The following GRIN2B variants were observed in gnomAD, a reference collection of about 807,000 sequenced individuals.
GRIN2B encodes glutamate ionotropic receptor NMDA type subunit 2B, also known as glutamate receptor ionotropic, NMDA 2B.
GRIN2B carries 5 observed loss-of-function variants against 114.5 expected under a neutral mutation model. The observed-to-expected ratio is 0.04, with a 90% confidence interval of 0.02 to 0.09. The LOEUF is 0.09. Ranked by LOEUF, GRIN2B falls within the 10% of genes least tolerant of loss-of-function variation. GRIN2B has a pLI of 1.00. For missense variants in GRIN2B, 1,108 were observed against 1,943.5 expected (o/e 0.57, Z 8.08); for synonymous variants, 787 against 745.1 (o/e 1.06, Z -0.92).
At chr12:13,801,694 A>G (rs1235169553) in intron 3 of GRIN2B, among the ~76,000 whole-genome samples, 1 of 152,128 alleles carries the variant, frequency 6.6e-6, no homozygotes, top group African/African-American at 2.4e-5. Flanking sequence ...CTCAGGAAAA[A>G]TCTTGACAGA....
chr12:13,843,217 TC>T (rs1865414078), intron 3 of GRIN2B, among the ~76,000 whole-genome samples: 1 of 150,412 alleles, frequency 6.6e-6, no homozygotes. Flanking sequence ...TTCTCCTGAA[TC>T]CCCATACACA....
At chr12:13,742,715 G>C (rs1186320796) in intron 4 of GRIN2B, among the ~76,000 whole-genome samples, 2 of 152,200 alleles carry the variant, frequency 1.3e-5, no homozygotes, top group African/African-American at 4.8e-5. Context: ...ATAGGCATGA[G>C]CCACTGTGCC....
intron 2 of GRIN2B, among the ~76,000 whole-genome samples, chr12:13,949,103 A>G (rs1159955054): frequency 6.6e-6 from 1 of 152,106 alleles, no homozygotes; most frequent in African/African-American, 2.4e-5. Flanking sequence ...CGGACTTTGG[A>G]GGGACCATTG....
chr12:13,583,821 GA>G (rs1948883575), intron 10 of GRIN2B, among the ~76,000 whole-genome samples: 1 of 152,124 alleles, frequency 6.6e-6, no homozygotes, highest in Non-Finnish European at 1.5e-5. Flanking sequence ...CGCCTAGATA[GA>G]AACCATCCCA....
In GRIN2B at chr12:13,824,797, A is replaced by G. The variant is rs187921119; in HGVS notation, c.411+41001T>C. On this transcript the variant is annotated intron_variant, in intron 3 of 13. Transcript: ENST00000609686. ...CTTGAACCCGGGAGGCGGAGGTTGC[A>G]GTGAGCCGAGATTGTGCCACTGCAC... Among the ~76,000 whole-genome samples, 5 of 144,860 alleles carry G rather than the reference A, an allele frequency of 3.5e-5. No homozygotes were observed. In the East Asian group the frequency reaches 1.0e-3, roughly 30 times the overall value.
intron 3 of GRIN2B, among the ~76,000 whole-genome samples, chr12:13,818,955 C>T (rs528479893): frequency 3.4e-4 from 52 of 152,318 alleles, no homozygotes; most frequent in African/African-American, 1.2e-3. Context: ...TCACACATTT[C>T]CAACACCTAT....
intron 2 of GRIN2B, among the ~76,000 whole-genome samples, chr12:13,968,357 A>G (rs987575925): frequency 6.6e-6 from 1 of 152,204 alleles, no homozygotes; most frequent in Non-Finnish European, 1.5e-5. Flanking sequence ...ACATTTCCTC[A>G]TTCAGTCCAC....
At position 13,567,344 on chromosome 12, in the gene GRIN2B, G is replaced by C. The variant is rs1439691793; in HGVS notation, c.2360-81C>G. On this transcript the variant is annotated intron_variant, in intron 12 of 13. Coordinates refer to ENST00000609686, the MANE Select transcript of GRIN2B (RefSeq NM_000834.5). ...GAGAAAAGGGAGAAAGAGGAGTATT[G>C]AGCAAGAAAGAGAAAGATACGTGAC... The C allele has an allele frequency of 1.3e-5, 11 of 873,394 alleles. No homozygotes were observed. In the South Asian group the frequency reaches 1.6e-4, roughly 12 times the overall value. The allele number at this position is 873,394 out of a possible 1,614,324, so 54.1% of individuals were successfully genotyped here. A position where few individuals can be genotyped will look rare whatever the true frequency, so the allele number is the denominator to read the frequency against.
At chr12:13,896,065 T>C (rs1006427007) in intron 2 of GRIN2B, among the ~76,000 whole-genome samples, 1 of 152,214 alleles carries the variant, frequency 6.6e-6, no homozygotes, top group African/African-American at 2.4e-5. Flanking sequence ...ATTTTCTACA[T>C]ATACTAACTC....
rs1948383994 is a variant in GRIN2B, at chr12:13,549,413, T to C, written c.*13370A>G. 6.6e-6 allele frequency: 1 copy of C among 152,192 alleles called. No homozygotes were observed. The highest frequency in any genetic ancestry group is 2.4e-5 in the African/African-American group (1 of 41,438). 9.4% of individuals were successfully genotyped at this position (152,192 alleles called of 1,614,324 possible). A position where few individuals can be genotyped will look rare whatever the true frequency, so the allele number is the denominator to read the frequency against. ...TTCATTGTGTATGTGAACTGCCTTA[T>C]ATTTTTCTGTTCAGAACTAACTTAT... On this transcript the variant is annotated 3_prime_UTR_variant, in exon 14 of 14. Transcript: ENST00000609686.
chr12:13,966,645 C>A (rs1463386380), intron 2 of GRIN2B, among the ~76,000 whole-genome samples: 2 of 152,164 alleles, frequency 1.3e-5, no homozygotes, highest in Non-Finnish European at 2.9e-5. Flanking sequence ...ACTGCTGGCC[C>A]TCTACATGGG....
intron 4 of GRIN2B, among the ~76,000 whole-genome samples, chr12:13,745,213 T>C (rs977745661): frequency 6.6e-5 from 10 of 152,140 alleles, no homozygotes; most frequent in African/African-American, 1.7e-4. Context: ...TTCCAGTCCA[T>C]GTCTGTAACC....
intron 5 of GRIN2B, among the ~76,000 whole-genome samples, chr12:13,631,113 A>G (rs989536332): frequency 6.6e-6 from 1 of 152,108 alleles, no homozygotes; most frequent in Non-Finnish European, 1.5e-5. Flanking sequence ...TCCCTCCCCA[A>G]CACATGGGGA....
At chr12:13,655,705 C>T (rs577912995) in intron 5 of GRIN2B, among the ~76,000 whole-genome samples, 1 of 152,258 alleles carries the variant, frequency 6.6e-6, no homozygotes, top group African/African-American at 2.4e-5. Flanking sequence ...TAAATATTGA[C>T]TCCATAGCAA....
intron 10 of GRIN2B, among the ~76,000 whole-genome samples, chr12:13,605,338 A>G (rs1241442525): frequency 6.6e-6 from 1 of 152,132 alleles, no homozygotes; most frequent in Non-Finnish European, 1.5e-5. Flanking sequence ...AAGTTTCAGT[A>G]GGAGTTTGAT....
intron 2 of GRIN2B, among the ~76,000 whole-genome samples, chr12:13,931,815 G>T (rs778227372): frequency 6.6e-6 from 1 of 151,862 alleles, no homozygotes; most frequent in South Asian, 2.1e-4. Context: ...TGCAACCTCC[G>T]CAAGTTAAGT....
intron 3 of GRIN2B, among the ~76,000 whole-genome samples, chr12:13,789,733 AT>A (rs900865791): frequency 2.6e-5 from 4 of 152,138 alleles, no homozygotes; most frequent in African/African-American, 9.7e-5. Context: ...GTTACTTGCT[AT>A]TTTTTTAAGA....
In GRIN2B at chr12:13,552,224, T is replaced by A. The variant is rs138678398; in HGVS notation, c.*10559A>T. 3.9e-5 allele frequency: 6 copies of A among 152,276 alleles called. No individual in the cohort carries two copies. Among genetic ancestry groups the A allele is most frequent in the African/African-American group, 1.2e-4 (5 of 41,564 alleles). The allele number at this position is 152,276 out of a possible 1,614,324, so 9.4% of individuals were successfully genotyped here. A position where few individuals can be genotyped will look rare whatever the true frequency, so the allele number is the denominator to read the frequency against. ...ATCAAGGGCTCCTTGGGTGCTGTAATCTGAAGGACCTGGGCAGGAATGACA... is the reference window on the plus strand; with the variant it reads ...ATCAAGGGCTCCTTGGGTGCTGTAAACTGAAGGACCTGGGCAGGAATGACA... On this transcript the variant is annotated 3_prime_UTR_variant, in exon 14 of 14. Coordinates refer to ENST00000609686, the MANE Select transcript of GRIN2B (RefSeq NM_000834.5).
At chr12:13,810,136 A>C (rs1591744984) in intron 3 of GRIN2B, among the ~76,000 whole-genome samples, 15 of 136,914 alleles carry the variant, frequency 1.1e-4, no homozygotes, top group East Asian at 2.2e-4. Flanking sequence ...AAACCCCACC[A>C]CCCCCCTCCC....
Sources: gnomAD v4.1 joint callset for allele counts (sites outside exome capture counted in the v4.1 genomes callset) on GRCh38, gnomAD v4.1.1 for gene constraint, MANE v1.5 for transcripts, NCBI Gene and HGNC (gene_info 2026-07-23, HGNC 2026-07-21) for gene names.